Variants in YY1AP1 observed in about 807,000 individuals in gnomAD.
YY1AP1 encodes the protein YY1-associated protein 1.
Under a neutral mutation model 39.9 loss-of-function variants are expected in YY1AP1, and 43 were observed. The ratio of observed to expected loss-of-function variants is 1.08; its 90% CI spans 0.84 to 1.39. The LOEUF (loss-of-function observed/expected upper bound fraction) is 1.39. Among genes scored for constraint, YY1AP1 ranks in the 40% most tolerant of loss-of-function variants. The pLI, the probability that YY1AP1 is intolerant of heterozygous loss-of-function variation, is 0.00. For synonymous variants in YY1AP1, 292 were observed against 331.3 expected, an observed-to-expected ratio of 0.88 and a Z score of 1.29; for missense variants, 813 against 900.7, an observed-to-expected ratio of 0.90 and a Z score of 1.25.
intron 1 of YY1AP1, 131 bp from the exon 2 acceptor site, chr1:155,688,332 GGCGGCAGCAGAGTGGCC>G: frequency 1.3e-6 from 2 of 1,551,086 alleles, no homozygotes; most frequent in African/African-American, 2.7e-5. Context: ...CGGCGGCAGC[GGCGGCAGCAGAGTGGCC>G]GCGGCAGCTC....
rs777587572 is a variant in YY1AP1, at chr1:155,660,262, G to C, written c.1648C>G (p.Pro550Ala). The C allele has an allele frequency of 1.9e-6, 3 of 1,614,172 alleles. No homozygotes were observed. In the South Asian group the frequency reaches 3.3e-5, roughly 18 times the overall value. The change falls in exon 11 of 11, where the codon CCT becomes GCT. Residue 550 changes from proline to alanine, a missense_variant. Physicochemically the swap from Pro to Ala is conservative, Grantham distance 27 (BLOSUM62 -1). Coordinates refer to ENST00000355499, the MANE Select transcript of YY1AP1 (RefSeq NM_139119.3). ...RCIKPAPVIH[P>A]ASVIFTVPAT... ...GGAACAGTGAAGATAACAGATGCAG[G>C]GTGGATAACAGGGGCAGGTTTGATA... is the stretch of plus-strand genomic sequence containing the variant.
chr1:155,669,985 ACTGTACTC>A (rs1232396472), intron 8 of YY1AP1, among the ~76,000 whole-genome samples: 3 of 152,156 alleles, frequency 2.0e-5, no homozygotes, highest in Non-Finnish European at 4.4e-5. Flanking sequence ...TGATTGCAAC[ACTGTACTC>A]CAGCCTGGGT....
chr1:155,676,406 T>C, intron 5 of YY1AP1, 142 bp downstream of exon 5: 1 of 970,128 alleles, frequency 1.0e-6, no homozygotes, highest in Admixed American at 2.2e-5. Context: ...AGCTCCTAAC[T>C]GATGTGAAGA....
chr1:155,688,709 C>T lies in YY1AP1; in HGVS notation c.-202G>A, dbSNP rs992737707. 7 of 1,522,432 alleles carry T rather than the reference C, an allele frequency of 4.6e-6. No homozygotes were observed. Among genetic ancestry groups the T allele is most frequent in the Non-Finnish European group, 5.3e-6 (6 of 1,141,832 alleles). The allele number at this position is 1,522,432 out of a possible 1,614,324, so 94.3% of individuals were successfully genotyped here. A position where few individuals can be genotyped will look rare whatever the true frequency, so the allele number is the denominator to read the frequency against. On this transcript the variant is annotated 5_prime_UTR_variant, in exon 1 of 11. Coordinates refer to ENST00000355499, the MANE Select transcript of YY1AP1 (RefSeq NM_139119.3). ...CTCCACCTCCTCTTCTCTCCTCCCC[C>T]TCCCTCCCCGCCCGCACGGCCACCA... is the stretch of plus-strand genomic sequence containing the variant.
Position 155,668,565 on chromosome 1 carries a change from AAGAGAAAAGAAC to A in YY1AP1, c.879+50_879+61del. The A allele has an allele frequency of 1.1e-5, 17 of 1,611,894 alleles. No individual in the cohort carries two copies. In the South Asian group the frequency reaches 1.9e-4, roughly 18 times the overall value. On this transcript the variant is annotated intron_variant, in intron 9 of 10. Transcript: ENST00000355499. ...GGTTCTTCTTTTCTTTGAGAATAAC[AAGAGAAAAGAAC>A]AGATATGTGTTGGTGAGGTGCCTGG...
intron 1 of YY1AP1, 96 bp downstream of exon 1, chr1:155,688,563 T>G (rs2149089769): frequency 2.0e-6 from 3 of 1,538,178 alleles, no homozygotes; most frequent in Non-Finnish European, 2.6e-6. Context: ...GAGCCAGCCA[T>G]CCCGTACGCG....
At chr1:155,685,236 T>C (rs967278585) in intron 2 of YY1AP1, among the ~76,000 whole-genome samples, 1 of 152,156 alleles carries the variant, frequency 6.6e-6, no homozygotes, top group African/African-American at 2.4e-5. Context: ...TCTTTGCAAT[T>C]GGGTAATAAA....
At chr1:155,686,096 G>T (rs1381011356) in intron 2 of YY1AP1, among the ~76,000 whole-genome samples, 1 of 137,718 alleles carries the variant, frequency 7.3e-6, no homozygotes, top group African/African-American at 2.8e-5. Flanking sequence ...GTGCAGTGGC[G>T]CAATCTCAGC....
chr1:155,676,604 G>A lies in YY1AP1; in HGVS notation c.268C>T (p.Gln90Ter). Residue 90 changes from glutamine (Q) to a stop codon, truncating the protein, a stop_gained, in exon 5 of 11, where the codon CAG (glutamine) becomes TAG (stop). Transcript: ENST00000355499. LOFTEE classifies it high-confidence loss of function. The stretch of plus-strand genomic sequence containing the variant: ...TGTGCTGGGTCCAGAATCAGGGTCT[G>A]ATGAACTTCCTTACACTGGGGTTTA... The part of the protein sequence containing the change: ...KVKPQCKEVH[Q>*]TLILDPAQRK... The A allele has an allele frequency of 6.2e-7, 1 of 1,614,182 alleles. No homozygotes were observed. The highest frequency in any genetic ancestry group is 8.5e-7 in the Non-Finnish European group (1 of 1,180,028).
intron 5 of YY1AP1, among the ~76,000 whole-genome samples, chr1:155,675,623 C>CTTT (rs1313988787): frequency 6.6e-6 from 1 of 151,712 alleles, no homozygotes; most frequent in Non-Finnish European, 1.5e-5. Context: ...TGTGCCCAGC[C>CTTT]TTATTTTTAT....
chr1:155,688,859 G>A, upstream of YY1AP1: 1 of 1,601,578 alleles, frequency 6.2e-7, no homozygotes, highest in East Asian at 2.3e-5. Flanking sequence ...GGAAGGGACC[G>A]GCAAAGCGAG....
In YY1AP1 at chr1:155,688,774, C is replaced by T; in HGVS notation, c.-267G>A. 6.5e-7 allele frequency: 1 copy of T among 1,535,176 alleles called. No individual in the cohort carries two copies. The highest frequency in any genetic ancestry group is 1.2e-5 in the South Asian group (1 of 82,706). ...AGCCGCCGCCAGCACCCCCACCCTA[C>T]ACTCCTCGCGCGTGCGCCTCCCACA... On this transcript the variant is annotated 5_prime_UTR_variant, in exon 1 of 11. Coordinates refer to ENST00000355499, the MANE Select transcript of YY1AP1 (RefSeq NM_139119.3).
At position 155,688,748 on chromosome 1, in the gene YY1AP1, C is replaced by A. The variant is rs560678874; in HGVS notation, c.-241G>T. ...GCACGGCCACCAACCGCCGCCAAAG[C>A]AGCCGCCGCCAGCACCCCCACCCTA... On this transcript the variant is annotated 5_prime_UTR_variant, in exon 1 of 11. Transcript: ENST00000355499. 1 of 1,517,288 alleles carries A rather than the reference C, an allele frequency of 6.6e-7. No homozygotes were observed. Among genetic ancestry groups the A allele is most frequent in the South Asian group, 1.2e-5 (1 of 81,246 alleles). 94.0% of individuals were successfully genotyped at this position (1,517,288 alleles called of 1,614,324 possible).
chr1:155,686,136 G>A (rs1333905724), intron 2 of YY1AP1, among the ~76,000 whole-genome samples: 12 of 141,564 alleles, frequency 8.5e-5, no homozygotes, highest in Non-Finnish European at 4.5e-5. Context: ...CCGGGTTCAC[G>A]CCATTCTCCT....
intron 9 of YY1AP1, among the ~76,000 whole-genome samples, chr1:155,665,976 A>G (rs1342862486): frequency 1.3e-5 from 2 of 152,044 alleles, no homozygotes; most frequent in Non-Finnish European, 2.9e-5. Flanking sequence ...GGGCTCAGGG[A>G]GCAATTTCTT....
upstream of YY1AP1, chr1:155,688,967 C>T (rs778076319): frequency 8.1e-6 from 13 of 1,610,062 alleles, no homozygotes; most frequent in Non-Finnish European, 1.1e-5. Flanking sequence ...CGGCTCGCCT[C>T]CTCCTCCATG....
At chr1:155,668,533 A>T (rs1558304560) in intron 9 of YY1AP1, 94 bp downstream of exon 9, 1 of 1,597,996 alleles carries the variant, frequency 6.3e-7, no homozygotes, top group Non-Finnish European at 8.6e-7. Flanking sequence ...AGCTTTAGAT[A>T]AAAGAAGGTT....
intron 10 of YY1AP1, 113 bp from the exon 11 acceptor site, chr1:155,661,026 C>T: frequency 1.3e-6 from 2 of 1,551,400 alleles, no homozygotes; most frequent in South Asian, 2.4e-5. Context: ...CCAAGGGACT[C>T]TGCATATGAA....
At position 155,659,553 on chromosome 1, in the gene YY1AP1, G is replaced by A; in HGVS notation, c.*104C>T. Reference sequence around the variant, plus strand: ...TCAAGAGCCCCAGTTGCAAAATCTGGGGTTTAAGTACCCTTTAGGGGTTTC... The same window carrying A: ...TCAAGAGCCCCAGTTGCAAAATCTGAGGTTTAAGTACCCTTTAGGGGTTTC... On this transcript the variant is annotated 3_prime_UTR_variant, in exon 11 of 11. Transcript: ENST00000355499. The A allele has an allele frequency of 7.8e-7, 1 of 1,283,580 alleles. No individual in the cohort carries two copies. The highest frequency in any genetic ancestry group is 2.1e-5 in the Admixed American group (1 of 46,990). The allele number at this position is 1,283,580 out of a possible 1,614,324, so 79.5% of individuals were successfully genotyped here.
Sources: gnomAD v4.1 joint callset for allele counts (sites outside exome capture counted in the v4.1 genomes callset) on GRCh38, gnomAD v4.1.1 for gene constraint, MANE v1.5 for transcripts, NCBI Gene and HGNC (gene_info 2026-07-23, HGNC 2026-07-21) for gene names.